Variants in DPP10 observed in about 807,000 individuals in gnomAD.
DPP10 encodes the protein inactive dipeptidyl peptidase 10.
DPP10 carries 33 observed loss-of-function variants against 120.9 expected under a neutral mutation model. The ratio of observed to expected loss-of-function variants is 0.27; its 90% CI spans 0.21 to 0.37. The LOEUF (loss-of-function observed/expected upper bound fraction) is 0.37, where lower values mean the gene tolerates loss of function less well. Among genes scored for constraint, DPP10 ranks in the 10% least tolerant of loss-of-function variants. The pLI is 1.00. For synonymous variants in DPP10, 337 were observed against 326.1 expected (o/e 1.03, Z -0.36); for missense variants, 816 against 942.8 (o/e 0.87, Z 1.76).
chr2:115,036,710 T>G (rs1409831937), intron 1 of DPP10, among the ~76,000 whole-genome samples: 2 of 152,190 alleles, frequency 1.3e-5, no homozygotes, highest in Non-Finnish European at 2.9e-5. Flanking sequence ...ACTTCACTGT[T>G]TTTTTCAAAG....
At chr2:114,840,660 A>G (rs1009083881) in intron 1 of DPP10, among the ~76,000 whole-genome samples, 2 of 152,176 alleles carry the variant, frequency 1.3e-5, no homozygotes, top group African/African-American at 4.8e-5. Context: ...TTGTCATTCT[A>G]TTAAGTTAGA....
chr2:115,672,466 TGA>T (rs2089947399), intron 5 of DPP10, among the ~76,000 whole-genome samples: 1 of 151,746 alleles, frequency 6.6e-6, no homozygotes, highest in African/African-American at 2.4e-5. Context: ...AAGAAAAAAA[TGA>T]GCTCTTTAGG....
At chr2:114,696,650 G>C (rs1700083785) in intron 1 of DPP10, among the ~76,000 whole-genome samples, 1 of 151,896 alleles carries the variant, frequency 6.6e-6, no homozygotes, top group African/African-American at 2.4e-5. Context: ...AAGTCAGTTT[G>C]TTTGGTGCCT....
chr2:115,043,810 C>T (rs1704853142), intron 1 of DPP10, among the ~76,000 whole-genome samples: 1 of 152,152 alleles, frequency 6.6e-6, no homozygotes, highest in Admixed American at 6.6e-5. Flanking sequence ...CTTCTCTTTA[C>T]TATTTATACA....
At chr2:115,767,145 G>C (rs1680859478) in intron 12 of DPP10, among the ~76,000 whole-genome samples, 1 of 152,124 alleles carries the variant, frequency 6.6e-6, no homozygotes, top group Non-Finnish European at 1.5e-5. Flanking sequence ...TTTCGGATTA[G>C]AGACCTGAAA....
At chr2:115,777,389 C>A in intron 14 of DPP10, 90 bp downstream of exon 14, 1 of 1,192,846 alleles carries the variant, frequency 8.4e-7, no homozygotes, top group Non-Finnish European at 1.2e-6. Context: ...TTACCATAGT[C>A]CTAGTCAAAA....
intron 4 of DPP10, among the ~76,000 whole-genome samples, chr2:115,508,577 C>A (rs1405590088): frequency 6.6e-6 from 1 of 152,078 alleles, no homozygotes; most frequent in Admixed American, 6.6e-5. Context: ...TTGGCTGTAT[C>A]TGTTTTAAAT....
intron 5 of DPP10, among the ~76,000 whole-genome samples, chr2:115,629,586 G>T (rs1015061648): frequency 6.6e-6 from 1 of 152,100 alleles, no homozygotes; most frequent in African/African-American, 2.4e-5. Flanking sequence ...ATTTTTTCAT[G>T]TGTTTTTTGG....
chr2:114,864,608 G>A (rs1020220175), intron 1 of DPP10, among the ~76,000 whole-genome samples: 8 of 152,128 alleles, frequency 5.3e-5, no homozygotes, highest in African/African-American at 1.7e-4. Context: ...AAAGAGTCAG[G>A]AAGCATAAAG....
intron 13 of DPP10, among the ~76,000 whole-genome samples, chr2:115,770,192 A>G (rs554013000): frequency 6.6e-6 from 1 of 152,214 alleles, no homozygotes; most frequent in Non-Finnish European, 1.5e-5. Context: ...TTGTAAAAGT[A>G]TGGCGTTGGG....
intron 1 of DPP10, among the ~76,000 whole-genome samples, chr2:115,211,705 C>CAA (rs1310511818): frequency 6.6e-5 from 10 of 151,958 alleles, no homozygotes; most frequent in Admixed American, 5.3e-4. Context: ...ATTAATACAA[C>CAA]TTCAGTGCAT....
intron 1 of DPP10, chr2:115,143,989 G>A (rs1573770494): frequency 6.6e-6 from 1 of 151,728 alleles, no homozygotes; most frequent in South Asian, 2.1e-4. Flanking sequence ...AGAAAATGCA[G>A]AGTTATTTCA....
intron 1 of DPP10, among the ~76,000 whole-genome samples, chr2:115,296,233 T>C (rs2060878324): frequency 6.6e-6 from 1 of 151,816 alleles, no homozygotes; most frequent in Admixed American, 6.6e-5. Flanking sequence ...GGAGATGAGG[T>C]GAATTGCCAA....
intron 1 of DPP10, among the ~76,000 whole-genome samples, chr2:115,169,183 A>T (rs1476951628): frequency 2.6e-5 from 4 of 152,136 alleles, no homozygotes; most frequent in African/African-American, 7.2e-5. Context: ...TTATAATCCC[A>T]CTAAAATCAT....
intron 5 of DPP10, among the ~76,000 whole-genome samples, chr2:115,535,852 G>C (rs1484901667): frequency 6.6e-6 from 1 of 151,884 alleles, no homozygotes; most frequent in African/African-American, 2.4e-5. Context: ...TGGATTCCTA[G>C]GTATTTTATT....
intron 21 of DPP10, among the ~76,000 whole-genome samples, chr2:115,833,934 T>A (rs1689184464): frequency 6.6e-6 from 1 of 152,166 alleles, no homozygotes; most frequent in South Asian, 2.1e-4. Flanking sequence ...TTCTTATTTT[T>A]CTTTCTTAGG....
At chr2:115,445,423 A>G (rs887842445) in intron 3 of DPP10, among the ~76,000 whole-genome samples, 5 of 152,160 alleles carry the variant, frequency 3.3e-5, no homozygotes, top group Non-Finnish European at 5.9e-5. Context: ...AGACTTGTTG[A>G]ACAGTTTTGA....
chr2:115,458,578 A>G lies in DPP10; in HGVS notation c.272-40932A>G, dbSNP rs965148185. Among the ~76,000 whole-genome samples the G allele has an allele frequency of 2.6e-5, 4 of 152,242 alleles. No homozygotes were observed. The East Asian group carries it at 7.7e-4, about 29-fold the overall frequency. ...GGGTGAAGAGCTTTTATTCAACTAC[A>G]TTCTTTTACCTGATATGTTTTAGGT... On this transcript the variant is annotated intron_variant, in intron 3 of 25. Coordinates refer to ENST00000410059, the MANE Select transcript of DPP10 (RefSeq NM_020868.6).
intron 1 of DPP10, among the ~76,000 whole-genome samples, chr2:114,549,377 G>A (rs529521127): frequency 6.6e-6 from 1 of 152,028 alleles, no homozygotes; most frequent in East Asian, 1.9e-4. Flanking sequence ...AAACATGTCC[G>A]CATAACCTGG....
Sources: gnomAD v4.1 joint callset for allele counts (sites outside exome capture counted in the v4.1 genomes callset) on GRCh38, gnomAD v4.1.1 for gene constraint, MANE v1.5 for transcripts, NCBI Gene and HGNC (gene_info 2026-07-23, HGNC 2026-07-21) for gene names.